Variants in C3orf70 observed in about 807,000 individuals in gnomAD.
C3orf70 encodes the protein chromosome 3 open reading frame 70, also known as UPF0524 protein C3orf70.
C3orf70 carries 15 observed loss-of-function variants against 20.7 expected under a neutral mutation model. That is an observed-to-expected ratio of 0.72 (90% CI 0.48 to 1.11). C3orf70 has a LOEUF of 1.11. Among genes scored for constraint, C3orf70 ranks in the 50% most tolerant of loss-of-function variants. The pLI is 0.00. For synonymous variants in C3orf70, 161 were observed against 125.7 expected (o/e 1.28, Z -1.88); for missense variants, 332 against 317.6 (o/e 1.05, Z -0.34).
intron 1 of C3orf70, among the ~76,000 whole-genome samples, chr3:185,113,114 T>C (rs2108596541): frequency 6.6e-6 from 1 of 152,048 alleles, no homozygotes; most frequent in East Asian, 1.9e-4. Context: ...AGTTTTTATC[T>C]ATACTAAAGA....
chr3:185,145,428 GTCT>G (rs1314391902), intron 1 of C3orf70, among the ~76,000 whole-genome samples: 1 of 151,542 alleles, frequency 6.6e-6, no homozygotes, highest in Non-Finnish European at 1.5e-5. Flanking sequence ...AAACTGCCTA[GTCT>G]TTTTTGCCTC....
chr3:185,089,619 C>T (rs755169337), intron 1 of C3orf70, among the ~76,000 whole-genome samples: 43 of 152,098 alleles, frequency 2.8e-4, no homozygotes, highest in Non-Finnish European at 5.1e-4. Context: ...GAAGATAATA[C>T]CTTATTATAG....
At position 185,152,831 on chromosome 3, in the gene C3orf70, C is replaced by T. The variant is rs1176382685; in HGVS notation, c.-8G>A. ...CGAGGCCGCCGCACTCATTTCCTCT[C>T]CCTCCGCGCGGAGCCGACACCGGGA... On this transcript the variant is annotated 5_prime_UTR_variant, in exon 1 of 2. Transcript: ENST00000335012. 6.5e-7 allele frequency: 1 copy of T among 1,528,258 alleles called. No homozygotes were observed. Among genetic ancestry groups the T allele is most frequent in the Non-Finnish European group, 8.8e-7 (1 of 1,132,326 alleles). 94.7% of individuals were successfully genotyped at this position (1,528,258 alleles called of 1,614,324 possible). A position where few individuals can be genotyped will look rare whatever the true frequency, so the allele number is the denominator to read the frequency against.
chr3:185,150,071 TA>T (rs1482431966), intron 1 of C3orf70, among the ~76,000 whole-genome samples: 2 of 152,112 alleles, frequency 1.3e-5, no homozygotes, highest in African/African-American at 4.8e-5. Flanking sequence ...AAAGAGGCAG[TA>T]AAAACAGTGT....
At chr3:185,093,148 A>T (rs775559782) in intron 1 of C3orf70, among the ~76,000 whole-genome samples, 1 of 152,156 alleles carries the variant, frequency 6.6e-6, no homozygotes, top group South Asian at 2.1e-4. Flanking sequence ...TGATATCTGG[A>T]TTTCAGTCAA....
chr3:185,140,370 G>A (rs1412423423), intron 1 of C3orf70, among the ~76,000 whole-genome samples: 2 of 152,012 alleles, frequency 1.3e-5, no homozygotes, highest in African/African-American at 4.8e-5. Context: ...TCAAAACTCA[G>A]TTTAAAAAAT....
intron 1 of C3orf70, among the ~76,000 whole-genome samples, chr3:185,091,967 T>A (rs1485985818): frequency 0.015 from 125 of 8,510 alleles, 2 homozygotes; most frequent in East Asian, 0.032. Context: ...ATATATATTT[T>A]TTTTTTTTTT....
intron 1 of C3orf70, among the ~76,000 whole-genome samples, chr3:185,118,542 A>G (rs1337771550): frequency 1.3e-5 from 2 of 152,208 alleles, no homozygotes; most frequent in Non-Finnish European, 2.9e-5. Flanking sequence ...ACATATGAAT[A>G]TACACATATT....
intron 1 of C3orf70, among the ~76,000 whole-genome samples, chr3:185,087,624 C>T (rs764130055): frequency 1.3e-4 from 20 of 151,986 alleles, no homozygotes; most frequent in African/African-American, 1.9e-4. Flanking sequence ...TCATAGAAAC[C>T]GAAAGCAAGA....
At chr3:185,100,381 A>G (rs61144975) in intron 1 of C3orf70, among the ~76,000 whole-genome samples, 5,888 of 152,262 alleles carry the variant, frequency 0.039, 339 homozygotes, top group African/African-American at 0.13. Context: ...TGGAAATCAA[A>G]ACTAAGAAAT....
intron 1 of C3orf70, among the ~76,000 whole-genome samples, chr3:185,126,787 T>A (rs1352470398): frequency 6.6e-6 from 1 of 152,182 alleles, no homozygotes; most frequent in Non-Finnish European, 1.5e-5. Context: ...ATGGCCCTTC[T>A]AAGAGTGGGA....
At chr3:185,088,014 C>G (rs1395900058) in intron 1 of C3orf70, among the ~76,000 whole-genome samples, 1 of 151,266 alleles carries the variant, frequency 6.6e-6, no homozygotes, top group African/African-American at 2.4e-5. Context: ...TGGGTTCATG[C>G]GATTCTCCTG....
intron 1 of C3orf70, among the ~76,000 whole-genome samples, chr3:185,118,901 T>TA (rs1016463190): frequency 8.5e-5 from 13 of 152,176 alleles, no homozygotes; most frequent in African/African-American, 2.9e-4. Flanking sequence ...AAAAGACACT[T>TA]AAACTTAAAA....
chr3:185,092,753 G>A (rs999619582), intron 1 of C3orf70, among the ~76,000 whole-genome samples: 5 of 152,192 alleles, frequency 3.3e-5, no homozygotes, highest in African/African-American at 7.2e-5. Flanking sequence ...AGCACTTTGG[G>A]AGGCCTAGGT....
intron 1 of C3orf70, among the ~76,000 whole-genome samples, chr3:185,152,424 G>A (rs1164765535): frequency 1.3e-5 from 2 of 152,172 alleles, no homozygotes; most frequent in Non-Finnish European, 2.9e-5. Flanking sequence ...ATTTCATCTC[G>A]TCGTCAAGGC....
chr3:185,096,001 C>T (rs1481809353), intron 1 of C3orf70, among the ~76,000 whole-genome samples: 2 of 152,114 alleles, frequency 1.3e-5, no homozygotes, highest in East Asian at 3.9e-4. Flanking sequence ...TCCCAAAGTG[C>T]TGGGATTACA....
At chr3:185,146,931 A>C (rs1716888893) in intron 1 of C3orf70, among the ~76,000 whole-genome samples, 1 of 152,218 alleles carries the variant, frequency 6.6e-6, no homozygotes, top group African/African-American at 2.4e-5. Context: ...CCTACAGAAA[A>C]TCTATAAACA....
intron 1 of C3orf70, among the ~76,000 whole-genome samples, chr3:185,150,449 G>A (rs1716968849): frequency 6.6e-6 from 1 of 152,096 alleles, no homozygotes; most frequent in African/African-American, 2.4e-5. Flanking sequence ...CTAATGAAAT[G>A]AAATTTAATA....
intron 1 of C3orf70, among the ~76,000 whole-genome samples, chr3:185,120,397 G>T (rs985684689): frequency 1.2e-4 from 19 of 152,106 alleles, no homozygotes; most frequent in African/African-American, 4.3e-4. Context: ...AAATAGATAT[G>T]CAGGGCAAAT....
Sources: allele counts gnomAD v4.1 joint callset (sites outside exome capture counted in the v4.1 genomes callset), GRCh38; gene constraint gnomAD v4.1.1; transcripts MANE v1.5; gene names NCBI Gene and HGNC (gene_info 2026-07-23, HGNC 2026-07-21).